The following SLC24A2 variants were observed in gnomAD, a reference collection of about 807,000 sequenced individuals.
SLC24A2 encodes the protein sodium/potassium/calcium exchanger 2.
A neutral mutation model predicts 62.0 loss-of-function variants in SLC24A2; 36 were observed. The observed-to-expected ratio is 0.58, with a 90% CI of 0.44 to 0.77. SLC24A2 has a LOEUF of 0.77. Among genes scored for constraint, SLC24A2 ranks in the 30% least tolerant of loss-of-function variants. The pLI, the probability that SLC24A2 is intolerant of heterozygous loss-of-function variation, is 0.00. For missense variants in SLC24A2, 846 were observed against 817.9 expected (o/e 1.03, Z -0.42); for synonymous variants, 358 against 294.0 (o/e 1.22, Z -2.23).
intron 2 of SLC24A2, among the ~76,000 whole-genome samples, chr9:19,738,222 G>T (rs1016131858): frequency 5.3e-5 from 8 of 152,116 alleles, no homozygotes; most frequent in African/African-American, 1.4e-4. Flanking sequence ...TTCTTTCATG[G>T]AAAAGCAGTG....
chr9:19,740,344 A>G (rs1821636502), intron 2 of SLC24A2, among the ~76,000 whole-genome samples: 1 of 152,228 alleles, frequency 6.6e-6, no homozygotes, highest in African/African-American at 2.4e-5. Context: ...CATCAATGGT[A>G]GAATGGATGA....
the SLC24A2 span, among the ~76,000 whole-genome samples, chr9:19,911,842 G>A: frequency 6.6e-6 from 1 of 152,048 alleles, no homozygotes; most frequent in Non-Finnish European, 1.5e-5. Context: ...AGCACACTGG[G>A]TTCTCTTTCC....
the SLC24A2 span, among the ~76,000 whole-genome samples, chr9:20,259,009 T>C: frequency 0.15 from 22,597 of 151,906 alleles, 1,806 homozygotes; most frequent in Middle Eastern, 0.2. Context: ...CTATTAAACA[T>C]GGAAGAGGGA....
intron 8 of SLC24A2, among the ~76,000 whole-genome samples, chr9:19,542,969 TC>T (rs1336117165): frequency 6.6e-6 from 1 of 152,182 alleles, no homozygotes; most frequent in African/African-American, 2.4e-5. Flanking sequence ...TTAGGGAGGA[TC>T]CCCTCTTTTT....
the SLC24A2 span, among the ~76,000 whole-genome samples, chr9:20,053,145 G>C: frequency 6.6e-6 from 1 of 152,126 alleles, no homozygotes; most frequent in Admixed American, 6.6e-5. Context: ...TGTGTTTGTT[G>C]ATTTCTCGTC....
At chr9:19,735,946 T>G (rs1224279551) in intron 2 of SLC24A2, among the ~76,000 whole-genome samples, 9 of 152,074 alleles carry the variant, frequency 5.9e-5, no homozygotes, top group Admixed American at 5.9e-4. Flanking sequence ...ACATGGCACA[T>G]GTATACATAT....
At chr9:19,884,884 G>T in the SLC24A2 span, among the ~76,000 whole-genome samples, 1 of 152,136 alleles carries the variant, frequency 6.6e-6, no homozygotes, top group Non-Finnish European at 1.5e-5. Context: ...TAGGTTAGGG[G>T]TATTAAATAC....
chr9:20,136,060 A>G, the SLC24A2 span, among the ~76,000 whole-genome samples: 13 of 152,064 alleles, frequency 8.5e-5, no homozygotes, highest in Non-Finnish European at 1.5e-4. Context: ...TGAGGGGTCT[A>G]TTTCTGGTAT....
the SLC24A2 span, among the ~76,000 whole-genome samples, chr9:19,838,021 C>A: frequency 3.3e-5 from 5 of 150,420 alleles, no homozygotes; most frequent in South Asian, 1.1e-3. Flanking sequence ...TCAATGCCAT[C>A]CCCATCAAGC....
chr9:19,873,378 TTC>T, the SLC24A2 span, among the ~76,000 whole-genome samples: 5 of 151,134 alleles, frequency 3.3e-5, no homozygotes, highest in South Asian at 2.1e-4. Flanking sequence ...CTTTCTTTCT[TTC>T]TCTTTCTCTC....
chr9:19,958,521 C>T, the SLC24A2 span, among the ~76,000 whole-genome samples: 1 of 152,210 alleles, frequency 6.6e-6, no homozygotes, highest in Non-Finnish European at 1.5e-5. Flanking sequence ...CCAGGCAGGT[C>T]TGAACCTCGG....
intron 2 of SLC24A2, among the ~76,000 whole-genome samples, chr9:19,647,068 G>GCA (rs142480390): frequency 0.13 from 10,381 of 79,862 alleles, 434 homozygotes; most frequent in Middle Eastern, 0.21. Flanking sequence ...ACACACGCGC[G>GCA]CACACACACA....
intron 4 of SLC24A2, 67 bp from the exon 5 acceptor site, chr9:19,597,346 A>ACATTTTT (rs1330899848): frequency 2.8e-6 from 3 of 1,078,546 alleles, no homozygotes; most frequent in Non-Finnish European, 4.3e-6. Flanking sequence ...TTGTTTTTAC[A>ACATTTTT]CATTTTTAAT....
intron 7 of SLC24A2, among the ~76,000 whole-genome samples, chr9:19,567,132 A>G (rs575216670): frequency 2.4e-4 from 36 of 150,672 alleles, no homozygotes; most frequent in Non-Finnish European, 4.0e-4. Context: ...ATATAAAAGA[A>G]CTTAAAGTAT....
the SLC24A2 span, among the ~76,000 whole-genome samples, chr9:20,043,011 C>T: frequency 2.0e-5 from 3 of 152,122 alleles, no homozygotes; most frequent in African/African-American, 7.2e-5. Context: ...TTCCTAGACA[C>T]GATATGGAAA....
chr9:19,675,397 G>T lies in SLC24A2; in HGVS notation c.931-53098C>A, dbSNP rs192167100. On this transcript the variant is annotated intron_variant, in intron 2 of 10. Coordinates refer to ENST00000341998, the MANE Select transcript of SLC24A2 (RefSeq NM_020344.4). ...GCCATAGTATAGGGAGGATCAGGTGGTGGGCAGGGCCCTAGAGCTGCCAAG... is the reference window on the plus strand; with the variant it reads ...GCCATAGTATAGGGAGGATCAGGTGTTGGGCAGGGCCCTAGAGCTGCCAAG... Among the ~76,000 whole-genome samples, 304 of 152,268 alleles carry T rather than the reference G, an allele frequency of 2.0e-3. 5 individuals are homozygous for T. Among genetic ancestry groups the T allele is most frequent in the Non-Finnish European group, 1.5e-3 (102 of 68,014 alleles).
the SLC24A2 span, among the ~76,000 whole-genome samples, chr9:20,177,682 G>A: frequency 2.0e-5 from 3 of 151,994 alleles, no homozygotes; most frequent in Non-Finnish European, 4.4e-5. Flanking sequence ...TAAATAAACA[G>A]ATTCTAAAAT....
chr9:19,874,136 G>C, the SLC24A2 span, among the ~76,000 whole-genome samples: 2 of 144,156 alleles, frequency 1.4e-5, no homozygotes, highest in Non-Finnish European at 3.0e-5. Context: ...CTGGAGTGCA[G>C]TGGCATGATC....
At chr9:19,555,184 TA>T (rs1302620414) in intron 7 of SLC24A2, among the ~76,000 whole-genome samples, 62 of 152,196 alleles carry the variant, frequency 4.1e-4, no homozygotes, top group South Asian at 8.3e-4. Flanking sequence ...AAAATTATCT[TA>T]TTCAAGCCAT....
Sources: gnomAD v4.1 joint callset for allele counts (sites outside exome capture counted in the v4.1 genomes callset) on GRCh38, gnomAD v4.1.1 for gene constraint, MANE v1.5 for transcripts, NCBI Gene and HGNC (gene_info 2026-07-23, HGNC 2026-07-21) for gene names.